Variants in ANKIB1 observed in about 807,000 individuals in gnomAD.
ANKIB1 encodes the protein ankyrin repeat and IBR domain containing 1.
In ANKIB1, 43 loss-of-function variants were observed where a neutral mutation model predicts 122.1. The observed-to-expected ratio is 0.35, with a 90% CI of 0.28 to 0.45. The LOEUF (loss-of-function observed/expected upper bound fraction) is 0.45, where lower values mean the gene tolerates loss of function less well. Among genes scored for constraint, ANKIB1 ranks in the 20% least tolerant of loss-of-function variants. The pLI is 1.00. For synonymous variants in ANKIB1, 390 were observed against 442.0 expected (o/e 0.88, Z 1.48); for missense variants, 992 against 1,329.5 (o/e 0.75, Z 3.95).
At chr7:92,288,191 G>A (rs1802175907) in intron 1 of ANKIB1, among the ~76,000 whole-genome samples, 1 of 151,826 alleles carries the variant, frequency 6.6e-6, no homozygotes, top group African/African-American at 2.4e-5. Flanking sequence ...AAATTCAATT[G>A]TATTTCTATA....
intron 3 of ANKIB1, among the ~76,000 whole-genome samples, chr7:92,308,060 C>T (rs570762819): frequency 4.6e-5 from 7 of 151,888 alleles, no homozygotes; most frequent in Admixed American, 2.6e-4. Flanking sequence ...TTAGTAGAGA[C>T]GGGGTTTCAC....
chr7:92,304,891 A>T lies in ANKIB1; in HGVS notation c.189-2468A>T, dbSNP rs1003648510. On this transcript the variant is annotated intron_variant, in intron 2 of 19. Transcript: ENST00000265742. ...ATTACCCATATTCTTGCCTCCCCTA[A>T]GCAAATGTTAGAATTATTCCATGTT... Among the ~76,000 whole-genome samples, 8 of 152,304 alleles carry T rather than the reference A, an allele frequency of 5.3e-5. No individual in the cohort carries two copies. In the East Asian group the frequency reaches 9.7e-4, roughly 18 times the overall value.
intron 6 of ANKIB1, among the ~76,000 whole-genome samples, chr7:92,343,813 T>A (rs1248108551): frequency 5.3e-5 from 8 of 152,232 alleles, no homozygotes; most frequent in Non-Finnish European, 1.2e-4. Context: ...AGTTATGTAT[T>A]TGTTTCAGTA....
chr7:92,326,901 C>T (rs1803039143), intron 4 of ANKIB1, among the ~76,000 whole-genome samples: 1 of 152,144 alleles, frequency 6.6e-6, no homozygotes, highest in African/African-American at 2.4e-5. Context: ...GCATCAAACT[C>T]CTGGGCTCAA....
At chr7:92,277,057 C>T (rs776139033) in intron 1 of ANKIB1, among the ~76,000 whole-genome samples, 7 of 152,106 alleles carry the variant, frequency 4.6e-5, no homozygotes, top group Non-Finnish European at 1.0e-4. Flanking sequence ...TTCTCTTGCT[C>T]CTGCTCCCAC....
At chr7:92,375,607 A>T (rs1178480343) in intron 11 of ANKIB1, among the ~76,000 whole-genome samples, 1 of 152,158 alleles carries the variant, frequency 6.6e-6, no homozygotes, top group Non-Finnish European at 1.5e-5. Context: ...TTTCTACCAC[A>T]TCTGAGGTTA....
At chr7:92,266,806 C>T (rs1801680635) in intron 1 of ANKIB1, among the ~76,000 whole-genome samples, 1 of 152,172 alleles carries the variant, frequency 6.6e-6, no homozygotes, top group African/African-American at 2.4e-5. Flanking sequence ...ATGGCAGAAG[C>T]CTACTGAGAG....
chr7:92,344,457 G>C (rs1189585376), intron 6 of ANKIB1, among the ~76,000 whole-genome samples: 2 of 151,858 alleles, frequency 1.3e-5, no homozygotes, highest in African/African-American at 4.8e-5. Flanking sequence ...TGCCCACCTC[G>C]GCCTCGCAAA....
At chr7:92,325,867 AAG>A (rs1803017364) in intron 4 of ANKIB1, 2 of 423,002 alleles carry the variant, frequency 4.7e-6, no homozygotes, top group Admixed American at 2.8e-5. Context: ...ACTAATGCAA[AAG>A]AGGTAATTTT....
intron 2 of ANKIB1, among the ~76,000 whole-genome samples, chr7:92,297,436 T>C (rs1802377918): frequency 6.6e-6 from 1 of 152,248 alleles, no homozygotes; most frequent in Non-Finnish European, 1.5e-5. Context: ...GTTACATGTC[T>C]ATTATGCTGC....
chr7:92,282,872 TAAA>T (rs1802037624), intron 1 of ANKIB1, among the ~76,000 whole-genome samples: 2 of 152,124 alleles, frequency 1.3e-5, no homozygotes, highest in African/African-American at 2.4e-5. Context: ...TCATGGGAAA[TAAA>T]AAAGTAAGAG....
chr7:92,365,724 T>C (rs1804058024), intron 10 of ANKIB1, among the ~76,000 whole-genome samples: 1 of 151,394 alleles, frequency 6.6e-6, no homozygotes, highest in South Asian at 2.1e-4. Flanking sequence ...ATATGAAGGC[T>C]TAAGATGGGT....
chr7:92,361,667 TGA>T, intron 9 of ANKIB1, among the ~76,000 whole-genome samples: 1 of 150,230 alleles, frequency 6.7e-6, no homozygotes, highest in East Asian at 2.0e-4. Context: ...ATGAATGTAC[TGA>T]TTTTTTTTTT....
intron 1 of ANKIB1, among the ~76,000 whole-genome samples, chr7:92,249,997 G>C (rs1175137408): frequency 1.3e-5 from 2 of 152,028 alleles, no homozygotes; most frequent in Admixed American, 6.6e-5. Flanking sequence ...GTCCTTAAAG[G>C]GGAGAAGCTG....
chr7:92,308,763 A>G (rs370624884), intron 3 of ANKIB1, among the ~76,000 whole-genome samples: 36 of 152,300 alleles, frequency 2.4e-4, no homozygotes, highest in African/African-American at 8.7e-4. Context: ...GGTTTTTCTC[A>G]GCTACCAACA....
chr7:92,341,431 A>G (rs576593001), intron 5 of ANKIB1, among the ~76,000 whole-genome samples: 20 of 152,204 alleles, frequency 1.3e-4, no homozygotes, highest in African/African-American at 4.8e-4. Context: ...CCAAGGAAAT[A>G]CCAATATAAA....
chr7:92,335,169 G>A (rs1255126944), intron 5 of ANKIB1, among the ~76,000 whole-genome samples: 1 of 150,730 alleles, frequency 6.6e-6, no homozygotes, highest in Non-Finnish European at 1.5e-5. Context: ...TTTCTCCATT[G>A]CCTCATCTGT....
chr7:92,387,946 G>T, intron 13 of ANKIB1, 29 bp from the exon 14 acceptor site: 1 of 1,598,716 alleles, frequency 6.3e-7, no homozygotes, highest in Non-Finnish European at 8.5e-7. Flanking sequence ...AAAGAGAATG[G>T]TTTAAATTCT....
Position 92,382,860 on chromosome 7 carries a change from G to A in ANKIB1, c.1618-3649G>A, listed in dbSNP as rs563512101. On this transcript the variant is annotated intron_variant, in intron 11 of 19. Transcript: ENST00000265742. ...GAAGCAAGAGCAAACACATTCAAAA[G>A]CTAGCAGAAGGCAAGAAATAACTAA... is the stretch of plus-strand genomic sequence containing the variant. Among the ~76,000 whole-genome samples, 219 of 152,248 alleles carry A rather than the reference G, an allele frequency of 1.4e-3. 1 individual carries two copies. The highest frequency in any genetic ancestry group is 5.1e-3 in the African/African-American group (210 of 41,560).
Sources: gnomAD v4.1 joint callset for allele counts (sites outside exome capture counted in the v4.1 genomes callset) on GRCh38, gnomAD v4.1.1 for gene constraint, MANE v1.5 for transcripts, NCBI Gene and HGNC (gene_info 2026-07-23, HGNC 2026-07-21) for gene names.